The following ERGIC2 variants were observed in gnomAD, a reference collection of about 807,000 sequenced individuals.
ERGIC2 encodes ERGIC and golgi 2, also known as endoplasmic reticulum-Golgi intermediate compartment protein 2.
A neutral mutation model predicts 52.5 loss-of-function variants in ERGIC2; 31 were observed. That is an observed-to-expected ratio of 0.59 (90% CI 0.44 to 0.80). ERGIC2 has a LOEUF of 0.80. ERGIC2 is among the 30% of genes least tolerant of loss of function. The probability of loss-of-function intolerance (pLI) is 0.00; values close to 1 mark genes in which losing one functional copy is unlikely to be tolerated. For synonymous variants in ERGIC2, 129 were observed against 140.6 expected (o/e 0.92, Z 0.58); for missense variants, 395 against 455.2 (o/e 0.87, Z 1.20).
At chr12:29,363,835 GAAA>G (rs71042988) in intron 5 of ERGIC2, among the ~76,000 whole-genome samples, 5 of 129,560 alleles carry the variant, frequency 3.9e-5, no homozygotes, top group Non-Finnish European at 6.4e-5. Context: ...TCATAAATGT[GAAA>G]AAAAAAAAAA....
chr12:29,342,477 C>G (rs1412107093), intron 12 of ERGIC2, among the ~76,000 whole-genome samples: 1 of 152,098 alleles, frequency 6.6e-6, no homozygotes, highest in Non-Finnish European at 1.5e-5. Flanking sequence ...AATAAACTAC[C>G]CAGCTCCATC....
intron 10 of ERGIC2, among the ~76,000 whole-genome samples, chr12:29,347,256 T>A (rs1336347424): frequency 6.6e-6 from 1 of 152,184 alleles, no homozygotes; most frequent in African/African-American, 2.4e-5. Context: ...AAGACATACA[T>A]AACCACCTTC....
At chr12:29,351,554 A>G (rs894992661) in intron 8 of ERGIC2, among the ~76,000 whole-genome samples, 7 of 152,210 alleles carry the variant, frequency 4.6e-5, no homozygotes, top group African/African-American at 1.7e-4. Flanking sequence ...GAGTTTAGGA[A>G]CTACTCAAAA....
At chr12:29,366,825 C>G in intron 5 of ERGIC2, 52 bp downstream of exon 5, 1 of 1,069,016 alleles carries the variant, frequency 9.4e-7, no homozygotes, top group African/African-American at 1.6e-5. Context: ...TGTCTTCAAG[C>G]GTACGATTCC....
At chr12:29,365,585 C>T (rs1036875582) in intron 5 of ERGIC2, among the ~76,000 whole-genome samples, 3 of 151,448 alleles carry the variant, frequency 2.0e-5, no homozygotes. Context: ...CAAACCTTCA[C>T]ATGTACTCCA....
rs1256164365 is a variant in ERGIC2, at chr12:29,340,628, T to G, written c.*528A>C. ...TTGTCAATATGGCTTAACATTAATATGGCTATAACATAGGGACTAGCCCGT... is the reference window on the plus strand; with the variant it reads ...TTGTCAATATGGCTTAACATTAATAGGGCTATAACATAGGGACTAGCCCGT... On this transcript the variant is annotated 3_prime_UTR_variant, in exon 14 of 14. Transcript: ENST00000360150. 4 of 220,628 alleles carry G rather than the reference T, an allele frequency of 1.8e-5. No individual in the cohort carries two copies. Among genetic ancestry groups the G allele is most frequent in the Middle Eastern group, 2.0e-3 (1 of 512 alleles). 13.7% of individuals were successfully genotyped at this position (220,628 alleles called of 1,614,324 possible). A position where few individuals can be genotyped will look rare whatever the true frequency, so the allele number is the denominator to read the frequency against.
At position 29,343,017 on chromosome 12, in the gene ERGIC2, AC is replaced by A. The variant is rs1253059587; in HGVS notation, c.988+102del. ...TAATTAAAGCAAAAGCTATTTAAAC[AC>A]CGAAACATGAAAATCTGTATACTTC... is the stretch of plus-strand genomic sequence containing the variant. On this transcript the variant is annotated intron_variant, in intron 12 of 13. Transcript: ENST00000360150. 3.1e-6 allele frequency: 3 copies of A among 957,548 alleles called. No homozygotes were observed. The African/African-American group carries it at 5.0e-5, about 16-fold the overall frequency. 59.3% of individuals were successfully genotyped at this position (957,548 alleles called of 1,614,324 possible).
intron 1 of ERGIC2, among the ~76,000 whole-genome samples, chr12:29,376,386 T>C (rs1407167254): frequency 6.6e-6 from 1 of 152,186 alleles, no homozygotes; most frequent in African/African-American, 2.4e-5. Flanking sequence ...AGCACCCAGA[T>C]CATTCAATAT....
chr12:29,352,898 A>T (rs9651840), intron 8 of ERGIC2, among the ~76,000 whole-genome samples: 6 of 152,288 alleles, frequency 3.9e-5, no homozygotes, highest in South Asian at 2.1e-4. Flanking sequence ...AAAAAAAATT[A>T]AAAAATCACC....
At chr12:29,354,548 C>T (rs1940176568) in intron 8 of ERGIC2, among the ~76,000 whole-genome samples, 1 of 152,152 alleles carries the variant, frequency 6.6e-6, no homozygotes, top group South Asian at 2.1e-4. Context: ...ACAGTTGAGA[C>T]TGACATTGTG....
intron 8 of ERGIC2, among the ~76,000 whole-genome samples, chr12:29,350,737 T>C (rs1329570173): frequency 6.6e-6 from 1 of 152,104 alleles, no homozygotes; most frequent in Non-Finnish European, 1.5e-5. Context: ...ATTTCCTTTG[T>C]ATTTGCATCA....
In ERGIC2 at chr12:29,350,061, G is replaced by A; in HGVS notation, c.580C>T (p.Pro194Ser). The A allele has an allele frequency of 6.2e-7, 1 of 1,600,256 alleles. No individual in the cohort carries two copies. Among genetic ancestry groups the A allele is most frequent in the Non-Finnish European group, 8.6e-7 (1 of 1,168,652 alleles). ...NFHITVGKAI[P>S]HPRGHAHLAA... ...AAATGTGCATGACCACGAGGATGTG[G>A]AATTGCCCTGAAAGGAGAAAAAACA... The change falls in exon 9 of 14, where the codon CCA becomes TCA. Residue 194 changes from proline (P) to serine (S), a missense_variant. By Grantham distance (74) the Pro-to-Ser change is moderately conservative. Coordinates refer to ENST00000360150, the MANE Select transcript of ERGIC2 (RefSeq NM_016570.3).
In ERGIC2 at chr12:29,371,511, T is replaced by A; in HGVS notation, c.106+17A>T. The A allele has an allele frequency of 6.6e-7, 1 of 1,526,498 alleles. No homozygotes were observed. Among genetic ancestry groups the A allele is most frequent in the Non-Finnish European group, 8.9e-7 (1 of 1,121,836 alleles). 94.6% of individuals were successfully genotyped at this position (1,526,498 alleles called of 1,614,324 possible). A position where few individuals can be genotyped will look rare whatever the true frequency, so the allele number is the denominator to read the frequency against. Reference sequence around the variant, plus strand: ...GTTGTACTTACTACAGAACTTTTAATGTTAACTGATACTCACCTGTACCTC... The same window carrying A: ...GTTGTACTTACTACAGAACTTTTAAAGTTAACTGATACTCACCTGTACCTC... On this transcript the variant is annotated intron_variant, in intron 2 of 13. Coordinates refer to ENST00000360150, the MANE Select transcript of ERGIC2 (RefSeq NM_016570.3).
intron 10 of ERGIC2, among the ~76,000 whole-genome samples, chr12:29,346,724 T>A (rs1241475012): frequency 6.6e-6 from 1 of 152,128 alleles, no homozygotes; most frequent in Non-Finnish European, 1.5e-5. Flanking sequence ...TTTTATACAG[T>A]CATTAGGCAT....
intron 12 of ERGIC2, 26 bp from the exon 13 acceptor site, chr12:29,341,842 TTTAA>T: frequency 1.8e-6 from 2 of 1,087,026 alleles, no homozygotes; most frequent in Middle Eastern, 2.0e-4. Context: ...AGTTTATGCT[TTTAA>T]TTATTTCCTA....
rs1284687144 is a variant in ERGIC2, at chr12:29,338,539, C to G, written c.*2617G>C. The G allele has an allele frequency of 2.0e-5, 3 of 151,954 alleles. No individual in the cohort carries two copies. Among genetic ancestry groups the G allele is most frequent in the Non-Finnish European group, 4.4e-5 (3 of 68,080 alleles). 9.4% of individuals were successfully genotyped at this position (151,954 alleles called of 1,614,324 possible). ...CATGGCTGTAGTCCTACCTACTCAGCAGATGGAAGCAGGAGGATTGCTTGA... is the reference window on the plus strand; with the variant it reads ...CATGGCTGTAGTCCTACCTACTCAGGAGATGGAAGCAGGAGGATTGCTTGA... On this transcript the variant is annotated 3_prime_UTR_variant, in exon 14 of 14. Coordinates refer to ENST00000360150, the MANE Select transcript of ERGIC2 (RefSeq NM_016570.3).
At chr12:29,341,928 A>G in intron 12 of ERGIC2, 112 bp from the exon 13 acceptor site, 1 of 549,678 alleles carries the variant, frequency 1.8e-6, no homozygotes, top group Admixed American at 3.1e-5. Flanking sequence ...TGCATTATTC[A>G]CTTCCATGGT....
intron 8 of ERGIC2, among the ~76,000 whole-genome samples, chr12:29,355,345 T>C (rs1289031647): frequency 6.6e-6 from 1 of 152,198 alleles, no homozygotes; most frequent in Admixed American, 6.5e-5. Flanking sequence ...ATTTATACTG[T>C]ATAGTTTGGA....
chr12:29,370,434 T>A (rs1940425767), intron 2 of ERGIC2, among the ~76,000 whole-genome samples: 1 of 151,972 alleles, frequency 6.6e-6, no homozygotes, highest in Admixed American at 6.6e-5. Context: ...TATATACAAA[T>A]ATGAACATAA....
Sources: gnomAD v4.1 joint callset for allele counts (sites outside exome capture counted in the v4.1 genomes callset) on GRCh38, gnomAD v4.1.1 for gene constraint, MANE v1.5 for transcripts, NCBI Gene and HGNC (gene_info 2026-07-23, HGNC 2026-07-21) for gene names.